SNTG1: variants seen among roughly 807,000 people sequenced by gnomAD.
SNTG1 encodes the protein gamma-1-syntrophin.
In SNTG1, 39 loss-of-function variants were observed where a neutral mutation model predicts 74.7. That is an observed-to-expected ratio of 0.52 (90% CI 0.40 to 0.68). The LOEUF (loss-of-function observed/expected upper bound fraction) is 0.68. Among genes scored for constraint, SNTG1 ranks in the 30% least tolerant of loss-of-function variants. SNTG1 has a pLI of 0.00. For missense variants in SNTG1, 685 were observed against 609.5 expected (o/e 1.12, Z -1.30); for synonymous variants, 254 against 217.1 (o/e 1.17, Z -1.49).
chr8:50,306,108 C>A (rs901992099), intron 2 of SNTG1, among the ~76,000 whole-genome samples: 1 of 144,828 alleles, frequency 6.9e-6, no homozygotes, highest in Admixed American at 7.0e-5. Flanking sequence ...CTTTGTGTAC[C>A]CATAGGTTAG....
At chr8:50,222,736 C>T (rs902253410) in intron 2 of SNTG1, among the ~76,000 whole-genome samples, 10 of 152,056 alleles carry the variant, frequency 6.6e-5, no homozygotes, top group African/African-American at 1.4e-4. Context: ...AGACCCTCAG[C>T]GGGGATTGCT....
chr8:50,760,573 C>T (rs2095595631), intron 18 of SNTG1, among the ~76,000 whole-genome samples: 1 of 151,726 alleles, frequency 6.6e-6, no homozygotes, highest in African/African-American at 2.4e-5. Flanking sequence ...TGTTCAAAGG[C>T]CTTTTCTGCA....
chr8:50,051,208 C>T (rs188623636), intron 1 of SNTG1, among the ~76,000 whole-genome samples: 1 of 149,318 alleles, frequency 6.7e-6, no homozygotes, highest in East Asian at 2.0e-4. Context: ...AAAATTACAC[C>T]AGAGGACATT....
At chr8:49,927,742 A>G (rs1218256578) in intron 1 of SNTG1, among the ~76,000 whole-genome samples, 1 of 152,132 alleles carries the variant, frequency 6.6e-6, no homozygotes, top group Non-Finnish European at 1.5e-5. Context: ...ACTGTATGAC[A>G]CTATAATAGT....
At chr8:50,390,307 G>A (rs1290612345) in intron 2 of SNTG1, among the ~76,000 whole-genome samples, 1 of 152,182 alleles carries the variant, frequency 6.6e-6, no homozygotes, top group Non-Finnish European at 1.5e-5. Context: ...CATATAGCTA[G>A]CCAGTTTTCC....
At chr8:50,442,103 A>T (rs16914902) in intron 5 of SNTG1, among the ~76,000 whole-genome samples, 2 of 152,066 alleles carry the variant, frequency 1.3e-5, no homozygotes, top group African/African-American at 4.8e-5. Flanking sequence ...ACAGGCTGAC[A>T]CTCTCGCATC....
At chr8:50,430,192 A>G (rs551758556) in intron 4 of SNTG1, among the ~76,000 whole-genome samples, 56 of 152,318 alleles carry the variant, frequency 3.7e-4, no homozygotes, top group Non-Finnish European at 5.0e-4. Flanking sequence ...GACTATGCTA[A>G]AAGTCATTGA....
chr8:50,650,417 C>T (rs1431078916), intron 13 of SNTG1, among the ~76,000 whole-genome samples: 2 of 152,032 alleles, frequency 1.3e-5, no homozygotes, highest in African/African-American at 2.4e-5. Context: ...GATTCATTCA[C>T]ATTGTTCACT....
chr8:50,679,067 A>G (rs2095321062), intron 15 of SNTG1, among the ~76,000 whole-genome samples: 1 of 152,156 alleles, frequency 6.6e-6, no homozygotes, highest in African/African-American at 2.4e-5. Context: ...ATTTTGCTGT[A>G]GTATTATTAC....
intron 2 of SNTG1, among the ~76,000 whole-genome samples, chr8:50,300,184 T>C (rs865837045): frequency 1.8e-4 from 28 of 152,164 alleles, no homozygotes; most frequent in Non-Finnish European, 1.2e-4. Context: ...TTTTCCCTAA[T>C]GCACTTATCT....
At chr8:50,644,694 C>T (rs2095095913) in intron 13 of SNTG1, among the ~76,000 whole-genome samples, 1 of 152,074 alleles carries the variant, frequency 6.6e-6, no homozygotes, top group Admixed American at 6.5e-5. Flanking sequence ...CTGTCCCAAA[C>T]TCCTGTGTTG....
At chr8:50,750,471 G>C (rs1047496137) in intron 17 of SNTG1, among the ~76,000 whole-genome samples, 7 of 151,946 alleles carry the variant, frequency 4.6e-5, no homozygotes, top group African/African-American at 1.7e-4. Context: ...AAATTCTGTG[G>C]GTAAAATGCT....
chr8:50,446,011 AGAC>A (rs1374873362), intron 5 of SNTG1, among the ~76,000 whole-genome samples: 4 of 152,204 alleles, frequency 2.6e-5, no homozygotes, highest in African/African-American at 9.6e-5. Context: ...ATAACTGGCC[AGAC>A]AACAGTGCAT....
At chr8:50,456,681 G>A (rs1297565188) in intron 8 of SNTG1, among the ~76,000 whole-genome samples, 1 of 152,118 alleles carries the variant, frequency 6.6e-6, no homozygotes, top group Non-Finnish European at 1.5e-5. Context: ...TGGGGGTCAA[G>A]TTTCAATATA....
chr8:50,259,724 A>G (rs1318998964), intron 2 of SNTG1, among the ~76,000 whole-genome samples: 1 of 152,142 alleles, frequency 6.6e-6, no homozygotes, highest in Non-Finnish European at 1.5e-5. Flanking sequence ...ACTATAAGAA[A>G]AAGCTGAACA....
rs149840176 is a variant in SNTG1, at chr8:50,573,605, A to C, written c.811-17274A>C. Among the ~76,000 whole-genome samples, 929 of 151,956 alleles carry C rather than the reference A, an allele frequency of 6.1e-3. 5 individuals carry two copies. Among genetic ancestry groups the C allele is most frequent in the Middle Eastern group, 0.013 (3 of 230 alleles). On this transcript the variant is annotated intron_variant, in intron 12 of 18. Transcript: ENST00000642720. ...AGATATTTAATTTTGACAACAATAT[A>C]GTTTATAAATTTTAGTAATTTGATA...
At chr8:50,184,958 C>A (rs2083328713) in intron 2 of SNTG1, among the ~76,000 whole-genome samples, 1 of 151,948 alleles carries the variant, frequency 6.6e-6, no homozygotes, top group African/African-American at 2.4e-5. Context: ...TCTTTTTTAA[C>A]AAAACAAAGA....
chr8:50,056,379 A>G (rs1029442469), intron 1 of SNTG1, among the ~76,000 whole-genome samples: 4 of 152,144 alleles, frequency 2.6e-5, no homozygotes, highest in Non-Finnish European at 4.4e-5. Flanking sequence ...TCAAGGCTAC[A>G]ATATCTTCCT....
intron 5 of SNTG1, among the ~76,000 whole-genome samples, chr8:50,442,882 T>C (rs1480019452): frequency 1.3e-5 from 2 of 152,168 alleles, no homozygotes; most frequent in African/African-American, 4.8e-5. Flanking sequence ...GCTAGTGGCA[T>C]CCTGCACATG....
Sources: allele counts gnomAD v4.1 joint callset (sites outside exome capture counted in the v4.1 genomes callset), GRCh38; gene constraint gnomAD v4.1.1; transcripts MANE v1.5; gene names NCBI Gene and HGNC (gene_info 2026-07-23, HGNC 2026-07-21).